Variants in SORCS2 observed in about 807,000 individuals in gnomAD.
SORCS2 encodes the protein sortilin related VPS10 domain containing receptor 2, also known as VPS10 domain-containing receptor SorCS2.
In SORCS2, 100 loss-of-function variants were observed where a neutral mutation model predicts 141.6. The ratio of observed to expected loss-of-function variants is 0.71; its 90% CI spans 0.60 to 0.83. The LOEUF (loss-of-function observed/expected upper bound fraction) is 0.83, where lower values mean the gene tolerates loss of function less well. Among genes scored for constraint, SORCS2 ranks in the 40% least tolerant of loss-of-function variants. SORCS2 has a pLI of 0.00. For missense variants in SORCS2, 1,646 were observed against 1,560.2 expected (o/e 1.05, Z -0.93); for synonymous variants, 789 against 676.9 (o/e 1.17, Z -2.57).
At chr4:7,352,264 G>A (rs1210833967) in intron 1 of SORCS2, among the ~76,000 whole-genome samples, 4 of 152,256 alleles carry the variant, frequency 2.6e-5, no homozygotes, top group East Asian at 1.9e-4. Context: ...TCAGTGCTAA[G>A]AACTGAGGTG....
At chr4:7,374,281 T>G (rs112337892) in intron 1 of SORCS2, among the ~76,000 whole-genome samples, 1,801 of 151,976 alleles carry the variant, frequency 0.012, 20 homozygotes, top group African/African-American at 0.021. Context: ...AGATGTGGGA[T>G]AATTTCTTGG....
intron 1 of SORCS2, among the ~76,000 whole-genome samples, chr4:7,339,706 C>T (rs974804153): frequency 1.1e-4 from 16 of 152,222 alleles, no homozygotes; most frequent in Admixed American, 2.0e-4. Flanking sequence ...AGGGCACATT[C>T]GTAGGTCCTG....
chr4:7,277,114 GGGCTCCTTT>G (rs1715553198), intron 1 of SORCS2, among the ~76,000 whole-genome samples: 1 of 144,288 alleles, frequency 6.9e-6, no homozygotes, highest in South Asian at 2.2e-4. Context: ...GGTCTCTCCT[GGGCTCCTTT>G]GGCTGTGTAT....
Position 7,733,336 on chromosome 4 carries a change from C to G in SORCS2, c.3123C>G (p.Ile1041Met). 3 of 1,557,260 alleles carry G rather than the reference C, an allele frequency of 1.9e-6. No homozygotes were observed. Among genetic ancestry groups the G allele is most frequent in the Non-Finnish European group, 2.6e-6 (3 of 1,152,164 alleles). Reference protein sequence around the residue: ...SLSSDKRLAAIQQVLNAQKIS... With the variant: ...SLSSDKRLAAMQQVLNAQKIS... ...TGTGCTTGCAGAGGCTCGCCGCCAT[C>G]CAGCAGGTGCTGAACGCACAGAAGA... The change falls in exon 24 of 27, where the codon ATC becomes ATG. Residue 1041 changes from isoleucine to methionine, a missense_variant. By Grantham distance (10) the Ile-to-Met change is conservative. Transcript: ENST00000507866.
chr4:7,562,794 C>T (rs547074146), intron 3 of SORCS2, among the ~76,000 whole-genome samples: 4 of 152,296 alleles, frequency 2.6e-5, no homozygotes, highest in Non-Finnish European at 5.9e-5. Context: ...TTGGCTTCTT[C>T]TTGGCCACCC....
intron 1 of SORCS2, among the ~76,000 whole-genome samples, chr4:7,369,418 T>C (rs984602351): frequency 6.6e-6 from 1 of 152,214 alleles, no homozygotes; most frequent in African/African-American, 2.4e-5. Flanking sequence ...AATAAGTAAG[T>C]GCCCACTATG....
intron 3 of SORCS2, among the ~76,000 whole-genome samples, chr4:7,633,498 T>C (rs1720031507): frequency 6.6e-6 from 1 of 152,190 alleles, no homozygotes; most frequent in Non-Finnish European, 1.5e-5. Flanking sequence ...CTGGGTGCCA[T>C]TTTCCCTCTT....
At chr4:7,705,495 C>T (rs996006740) in intron 14 of SORCS2, among the ~76,000 whole-genome samples, 1 of 152,250 alleles carries the variant, frequency 6.6e-6, no homozygotes, top group Non-Finnish European at 1.5e-5. Flanking sequence ...GGAGATTGGA[C>T]ACCTGGACTT....
At chr4:7,345,161 T>A (rs577545128) in intron 1 of SORCS2, among the ~76,000 whole-genome samples, 1 of 152,198 alleles carries the variant, frequency 6.6e-6, no homozygotes, top group African/African-American at 2.4e-5. Context: ...AGCAAAACTT[T>A]GGAGCGGTAG....
intron 3 of SORCS2, among the ~76,000 whole-genome samples, chr4:7,553,808 G>A (rs900612325): frequency 2.6e-5 from 4 of 152,234 alleles, no homozygotes; most frequent in South Asian, 2.1e-4. Flanking sequence ...TCGGGAAGGG[G>A]AGAGGAAGGT....
chr4:7,724,186 A>G (rs1311505843), intron 19 of SORCS2, among the ~76,000 whole-genome samples: 14 of 119,942 alleles, frequency 1.2e-4, no homozygotes, highest in African/African-American at 5.3e-4. Flanking sequence ...TGATAGCAGT[A>G]CTGGTGGTGG....
At chr4:7,458,437 A>G (rs1729063331) in intron 2 of SORCS2, among the ~76,000 whole-genome samples, 2 of 152,130 alleles carry the variant, frequency 1.3e-5, no homozygotes, top group African/African-American at 4.8e-5. Context: ...GCCCCTGAGC[A>G]AAGAAGGATG....
intron 3 of SORCS2, among the ~76,000 whole-genome samples, chr4:7,546,287 A>G (rs1713255710): frequency 6.6e-6 from 1 of 152,106 alleles, no homozygotes; most frequent in South Asian, 2.1e-4. Flanking sequence ...GGCTCAATTC[A>G]CCAAGGCCTC....
intron 1 of SORCS2, among the ~76,000 whole-genome samples, chr4:7,285,726 A>G (rs1288341546): frequency 1.3e-5 from 2 of 152,192 alleles, no homozygotes; most frequent in Admixed American, 6.5e-5. Context: ...CAGACCGCCA[A>G]CAGAAGCTTC....
chr4:7,380,868 G>A (rs1043885446), intron 1 of SORCS2, among the ~76,000 whole-genome samples: 28 of 152,188 alleles, frequency 1.8e-4, no homozygotes, highest in Admixed American at 1.6e-3. Flanking sequence ...GGCAGATCAC[G>A]ATGTTGAGAT....
chr4:7,267,398 C>T (rs1030041033), intron 1 of SORCS2, among the ~76,000 whole-genome samples: 9 of 152,098 alleles, frequency 5.9e-5, no homozygotes, highest in South Asian at 2.1e-4. Context: ...GAGGATGGGT[C>T]GAGTAGGGCG....
intron 3 of SORCS2, among the ~76,000 whole-genome samples, chr4:7,579,242 A>G (rs905342674): frequency 2.0e-5 from 3 of 152,202 alleles, no homozygotes; most frequent in African/African-American, 7.2e-5. Flanking sequence ...TGCATGGATC[A>G]TTTTAATATA....
chr4:7,463,775 T>C (rs1034899545), intron 2 of SORCS2, among the ~76,000 whole-genome samples: 1 of 152,296 alleles, frequency 6.6e-6, no homozygotes. Context: ...CTAACGGCCC[T>C]GATTAGTGTT....
rs188299309 is a variant in SORCS2 at position 7,378,557 on chromosome 4, C to G, written c.481-17731C>G. 4.7e-4 allele frequency among the ~76,000 whole-genome samples: 71 copies of G among 152,290 alleles called. 1 individual carries two copies. Among genetic ancestry groups the G allele is most frequent in the Admixed American group, 1.6e-3 (24 of 15,306 alleles). ...GGAACTCACTCACTATCACCTATCA[C>G]GAGAATGGCATGGGGGAATCCACCC... On this transcript the variant is annotated intron_variant, in intron 1 of 26. Transcript: ENST00000507866.
Sources: allele counts gnomAD v4.1 joint callset (sites outside exome capture counted in the v4.1 genomes callset), GRCh38; gene constraint gnomAD v4.1.1; transcripts MANE v1.5; gene names NCBI Gene and HGNC (gene_info 2026-07-23, HGNC 2026-07-21).